USP15: variants seen among roughly 807,000 people sequenced by gnomAD.
USP15 encodes the protein ubiquitin specific peptidase 15.
Under a neutral mutation model 127.1 loss-of-function variants are expected in USP15, and 18 were observed. The observed-to-expected ratio is 0.14, with a 90% confidence interval of 0.10 to 0.21. The LOEUF (loss-of-function observed/expected upper bound fraction) is 0.21, where lower values mean the gene tolerates loss of function less well. Among genes scored for constraint, USP15 ranks in the 10% least tolerant of loss-of-function variants. USP15 has a pLI of 1.00. For synonymous variants in USP15, 364 were observed against 393.7 expected, an observed-to-expected ratio of 0.92 and a Z score of 0.89; for missense variants, 805 against 1,159.9, an observed-to-expected ratio of 0.69 and a Z score of 4.44.
In USP15 at chr12:62,405,987, T is replaced by G. The variant is rs1041275867; in HGVS notation, c.*1612T>G. On this transcript the variant is annotated 3_prime_UTR_variant, in exon 22 of 22. Coordinates refer to ENST00000280377, the MANE Select transcript of USP15 (RefSeq NM_001252078.2). The stretch of plus-strand genomic sequence containing the variant: ...GCTTTGGGGTTTTTTTTTTCTTTTT[T>G]TTTTTTTTAATGTAAACTAACCTCC... 6.6e-5 allele frequency: 10 copies of G among 151,926 alleles called. No individual in the cohort carries two copies. The highest frequency in any genetic ancestry group is 1.3e-4 in the Non-Finnish European group (9 of 67,836). The allele number at this position is 151,926 out of a possible 1,614,324, so 9.4% of individuals were successfully genotyped here. A position where few individuals can be genotyped will look rare whatever the true frequency, so the allele number is the denominator to read the frequency against.
chr12:62,390,193 G>T (rs1046878598), intron 14 of USP15, among the ~76,000 whole-genome samples: 2 of 152,116 alleles, frequency 1.3e-5, no homozygotes, highest in African/African-American at 4.8e-5. Flanking sequence ...AACCCAGGAA[G>T]CACGAAGTCT....
At chr12:62,394,599 C>G (rs2067426470) in intron 19 of USP15, among the ~76,000 whole-genome samples, 1 of 152,110 alleles carries the variant, frequency 6.6e-6, no homozygotes, top group Non-Finnish European at 1.5e-5. Flanking sequence ...CCTGTAATCC[C>G]AGCACTTTGG....
At chr12:62,337,429 A>G (rs1466347800) in intron 6 of USP15, among the ~76,000 whole-genome samples, 2 of 152,124 alleles carry the variant, frequency 1.3e-5, no homozygotes, top group Admixed American at 1.3e-4. Flanking sequence ...GCTTGTGCAG[A>G]GAAACTCCCG....
chr12:62,366,592 A>G (rs1225346437), intron 8 of USP15, among the ~76,000 whole-genome samples: 1 of 152,156 alleles, frequency 6.6e-6, no homozygotes, highest in Non-Finnish European at 1.5e-5. Flanking sequence ...AATATGTTGA[A>G]TAGGAGTGGT....
chr12:62,395,828 A>G (rs192301735), intron 19 of USP15, among the ~76,000 whole-genome samples: 126 of 152,026 alleles, frequency 8.3e-4, no homozygotes, highest in Middle Eastern at 3.4e-3. Flanking sequence ...GCAGGATCTC[A>G]TTCCTTTTTA....
intron 1 of USP15, among the ~76,000 whole-genome samples, chr12:62,272,597 G>A (rs1280631016): frequency 7.9e-5 from 12 of 151,794 alleles, no homozygotes; most frequent in Non-Finnish European, 1.2e-4. Context: ...TCTTAAATTT[G>A]CATCTAGTGT....
chr12:62,383,799 C>A (rs369008892), intron 9 of USP15, 41 bp from the exon 10 acceptor site: 5 of 1,588,006 alleles, frequency 3.1e-6, no homozygotes, highest in Non-Finnish European at 4.3e-6. Flanking sequence ...AAAATCAACC[C>A]TGTTCCTAGA....
intron 6 of USP15, among the ~76,000 whole-genome samples, chr12:62,342,624 T>C (rs775118144): frequency 6.6e-6 from 1 of 152,174 alleles, no homozygotes. Context: ...TGTTGCTTTC[T>C]GCTTGTTTGT....
chr12:62,392,829 CTT>C (rs2137626927), intron 18 of USP15, among the ~76,000 whole-genome samples: 1 of 152,096 alleles, frequency 6.6e-6, no homozygotes, highest in African/African-American at 2.4e-5. Context: ...CTCATTATGT[CTT>C]TAAGTATTTA....
At chr12:62,324,683 A>G (rs908488033) in intron 5 of USP15, among the ~76,000 whole-genome samples, 2 of 151,998 alleles carry the variant, frequency 1.3e-5, no homozygotes, top group Non-Finnish European at 2.9e-5. Flanking sequence ...GTACAAATAC[A>G]CTTTTTAATG....
Position 62,408,446 on chromosome 12 carries a change from G to C in USP15, c.*4071G>C, listed in dbSNP as rs2067945633. On this transcript the variant is annotated 3_prime_UTR_variant, in exon 22 of 22. Coordinates refer to ENST00000280377, the MANE Select transcript of USP15 (RefSeq NM_001252078.2). ...AATCATAGACTAGGGGAAGGAACCAGAGGTCCTCTAAAATATCAGAGGAGT... is the reference window on the plus strand; with the variant it reads ...AATCATAGACTAGGGGAAGGAACCACAGGTCCTCTAAAATATCAGAGGAGT... 1 of 152,116 alleles carries C rather than the reference G, an allele frequency of 6.6e-6. No homozygotes were observed. The highest frequency in any genetic ancestry group is 2.1e-4 in the South Asian group (1 of 4,832). The allele number at this position is 152,116 out of a possible 1,614,324, so 9.4% of individuals were successfully genotyped here.
At position 62,404,989 on chromosome 12, in the gene USP15, C is replaced by G. The variant is rs891355578; in HGVS notation, c.*614C>G. 6.6e-6 allele frequency: 1 copy of G among 151,988 alleles called. No individual in the cohort carries two copies. The highest frequency in any genetic ancestry group is 2.4e-5 in the African/African-American group (1 of 41,386). The allele number at this position is 151,988 out of a possible 1,614,324, so 9.4% of individuals were successfully genotyped here. ...TTCCCTTTGTAATACCTTTAAAAATCCAGAGTATTATATTCATTTTACTGC... is the reference window on the plus strand; with the variant it reads ...TTCCCTTTGTAATACCTTTAAAAATGCAGAGTATTATATTCATTTTACTGC... On this transcript the variant is annotated 3_prime_UTR_variant, in exon 22 of 22. Coordinates refer to ENST00000280377, the MANE Select transcript of USP15 (RefSeq NM_001252078.2).
chr12:62,302,724 T>G, intron 2 of USP15, 66 bp from the exon 3 acceptor site: 1 of 1,490,574 alleles, frequency 6.7e-7, no homozygotes, highest in Middle Eastern at 1.8e-4. Context: ...CTTCATGAGT[T>G]TAATTTGTAA....
intron 8 of USP15, among the ~76,000 whole-genome samples, chr12:62,359,615 A>C (rs572594631): frequency 4.6e-5 from 7 of 152,218 alleles, no homozygotes; most frequent in African/African-American, 1.7e-4. Context: ...TCTTTTCTTG[A>C]GTCTTTTTCC....
chr12:62,369,351 T>C (rs1373588301), intron 8 of USP15, among the ~76,000 whole-genome samples: 1 of 152,206 alleles, frequency 6.6e-6, no homozygotes, highest in African/African-American at 2.4e-5. Context: ...TATGCTAGTT[T>C]CTACATTTTT....
At chr12:62,367,560 A>G (rs1227221105) in intron 8 of USP15, among the ~76,000 whole-genome samples, 1 of 152,042 alleles carries the variant, frequency 6.6e-6, no homozygotes, top group Non-Finnish European at 1.5e-5. Flanking sequence ...GGGAGAGTGT[A>G]TGTGTCCAGG....
chr12:62,356,067 A>C (rs987009175), intron 8 of USP15, among the ~76,000 whole-genome samples: 2 of 151,210 alleles, frequency 1.3e-5, no homozygotes, highest in Non-Finnish European at 3.0e-5. Context: ...AATGAGAGAG[A>C]TATATTTTTT....
intron 3 of USP15, among the ~76,000 whole-genome samples, chr12:62,310,214 CATAT>C (rs1410507796): frequency 6.6e-6 from 1 of 151,834 alleles, no homozygotes; most frequent in East Asian, 1.9e-4. Context: ...AAATCTGTTA[CATAT>C]ATATAATAAG....
chr12:62,290,843 G>T (rs1368528121), intron 1 of USP15, among the ~76,000 whole-genome samples: 1 of 152,014 alleles, frequency 6.6e-6, no homozygotes, highest in Non-Finnish European at 1.5e-5. Context: ...TTCTAGGAAA[G>T]ACTTTATATC....
Sources: gnomAD v4.1 joint callset for allele counts (sites outside exome capture counted in the v4.1 genomes callset) on GRCh38, gnomAD v4.1.1 for gene constraint, MANE v1.5 for transcripts, NCBI Gene and HGNC (gene_info 2026-07-23, HGNC 2026-07-21) for gene names.